ANKS1B: variants seen among roughly 807,000 people sequenced by gnomAD.
The protein encoded by ANKS1B is ankyrin repeat and sterile alpha motif domain containing 1B, also known as ankyrin repeat and sterile alpha motif domain-containing protein 1B.
Under a neutral mutation model 148.3 loss-of-function variants are expected in ANKS1B, and 36 were observed. That is an observed-to-expected ratio of 0.24 (90% confidence interval 0.19 to 0.32). The LOEUF (loss-of-function observed/expected upper bound fraction) is 0.32, where lower values mean the gene tolerates loss of function less well. Among genes scored for constraint, ANKS1B ranks in the 10% least tolerant of loss-of-function variants. The pLI, the probability that ANKS1B is intolerant of heterozygous loss-of-function variation, is 1.00. For synonymous variants in ANKS1B, 542 were observed against 560.8 expected, an observed-to-expected ratio of 0.97 and a Z score of 0.47; for missense variants, 1,157 against 1,542.6, an observed-to-expected ratio of 0.75 and a Z score of 4.19.
At chr12:99,912,876 A>G (rs1289364220) in intron 1 of ANKS1B, among the ~76,000 whole-genome samples, 2 of 152,136 alleles carry the variant, frequency 1.3e-5, no homozygotes, top group Admixed American at 6.5e-5. Context: ...TACTGAGCTT[A>G]TTAGTTTTGT....
intron 9 of ANKS1B, among the ~76,000 whole-genome samples, chr12:99,560,840 C>CTTTTTTTTTTTTTTTTT (rs58588885): frequency 5.6e-5 from 4 of 71,928 alleles, no homozygotes; most frequent in Admixed American, 3.7e-4. Flanking sequence ...TTTCTTTTTT[C>CTTTTTTTTTTTTTTTTT]TTTTTTTTTT....
At chr12:99,907,603 G>GC (rs1200844569) in intron 1 of ANKS1B, among the ~76,000 whole-genome samples, 1 of 152,104 alleles carries the variant, frequency 6.6e-6, no homozygotes, top group Non-Finnish European at 1.5e-5. Flanking sequence ...ATAACCGTCA[G>GC]CAGGGATGGA....
chr12:98,764,759 C>T (rs979485490), intron 25 of ANKS1B, among the ~76,000 whole-genome samples: 3 of 152,220 alleles, frequency 2.0e-5, no homozygotes, highest in Admixed American at 6.5e-5. Flanking sequence ...AAACCGACCA[C>T]GTGTTCACTC....
intron 1 of ANKS1B, among the ~76,000 whole-genome samples, chr12:99,949,582 G>A (rs945516537): frequency 2.0e-5 from 3 of 152,092 alleles, no homozygotes; most frequent in Admixed American, 2.0e-4. Flanking sequence ...CTAATGTGAG[G>A]AGTCAGATGG....
intron 10 of ANKS1B, among the ~76,000 whole-genome samples, chr12:99,497,506 T>G (rs2096615484): frequency 6.6e-6 from 1 of 152,168 alleles, no homozygotes; most frequent in Non-Finnish European, 1.5e-5. Context: ...GGGAAGGATC[T>G]GTCCCAGGCC....
intron 1 of ANKS1B, among the ~76,000 whole-genome samples, chr12:99,940,448 G>A (rs7303899): frequency 0.38 from 57,458 of 151,896 alleles, 11,305 homozygotes; most frequent in Middle Eastern, 0.45. Context: ...AAAAAAACTA[G>A]GCAGAGTAAA....
At chr12:99,542,813 C>G (rs180856537) in intron 9 of ANKS1B, among the ~76,000 whole-genome samples, 1 of 152,012 alleles carries the variant, frequency 6.6e-6, no homozygotes, top group Non-Finnish European at 1.5e-5. Flanking sequence ...GAATACCTAC[C>G]TCATATAATG....
intron 14 of ANKS1B, among the ~76,000 whole-genome samples, chr12:99,174,301 C>T (rs2078124239): frequency 2.0e-5 from 3 of 152,186 alleles, no homozygotes; most frequent in African/African-American, 7.2e-5. Flanking sequence ...CCCTGGCCTA[C>T]ACATTGACTG....
chr12:99,691,574 C>T (rs1172378038), intron 8 of ANKS1B, among the ~76,000 whole-genome samples: 1 of 152,172 alleles, frequency 6.6e-6, no homozygotes, highest in Non-Finnish European at 1.5e-5. Context: ...GTGACCTTTA[C>T]TCTAGTTCTC....
At chr12:99,576,351 T>C (rs2097519988) in intron 9 of ANKS1B, among the ~76,000 whole-genome samples, 1 of 151,874 alleles carries the variant, frequency 6.6e-6, no homozygotes, top group Non-Finnish European at 1.5e-5. Context: ...TAACAAGATA[T>C]TCAGGACCTC....
chr12:99,453,452 G>A (rs570157259), intron 10 of ANKS1B, among the ~76,000 whole-genome samples: 2 of 152,128 alleles, frequency 1.3e-5, no homozygotes, highest in Non-Finnish European at 2.9e-5. Context: ...TTATGCAAAG[G>A]CCTACGTGGC....
In ANKS1B at chr12:99,631,203, A is replaced by G. The variant is rs182174560; in HGVS notation, c.1272+23864T>C. On this transcript the variant is annotated intron_variant, in intron 9 of 26. Coordinates refer to ENST00000683438, the MANE Select transcript of ANKS1B (RefSeq NM_001352186.2). ...AGCAGTGAGGGAACAAACTTATCCA[A>G]TCTTGGACTTCTCAGCCTCCAGAAC... 8.0e-3 allele frequency among the ~76,000 whole-genome samples: 1,217 copies of G among 152,202 alleles called. 15 individuals are homozygous for G. The highest frequency in any genetic ancestry group is 0.028 in the African/African-American group (1,144 of 41,534).
At chr12:99,197,230 A>C (rs1272307000) in intron 14 of ANKS1B, among the ~76,000 whole-genome samples, 2 of 152,188 alleles carry the variant, frequency 1.3e-5, no homozygotes, top group African/African-American at 4.8e-5. Flanking sequence ...AACAGAAAAG[A>C]GTAAGGAATA....
intron 1 of ANKS1B, among the ~76,000 whole-genome samples, chr12:99,906,403 C>T (rs112992432): frequency 8.3e-4 from 127 of 152,346 alleles, no homozygotes; most frequent in African/African-American, 2.9e-3. Context: ...ACGTAATGCA[C>T]AATGAGAAGT....
chr12:99,554,176 A>C (rs2097252937), intron 9 of ANKS1B, among the ~76,000 whole-genome samples: 1 of 152,204 alleles, frequency 6.6e-6, no homozygotes, highest in Non-Finnish European at 1.5e-5. Flanking sequence ...AAAGAGATCC[A>C]AATTCAACTG....
intron 11 of ANKS1B, among the ~76,000 whole-genome samples, chr12:99,417,967 A>G (rs1054309206): frequency 6.6e-6 from 1 of 152,330 alleles, no homozygotes; most frequent in African/African-American, 2.4e-5. Flanking sequence ...CCAACCAAGA[A>G]TACTTAAATC....
intron 17 of ANKS1B, among the ~76,000 whole-genome samples, chr12:99,041,417 C>T (rs2099958852): frequency 1.3e-5 from 2 of 152,184 alleles, no homozygotes; most frequent in South Asian, 2.1e-4. Flanking sequence ...GTTCAATAAA[C>T]AATTTTCCAG....
At chr12:98,815,106 T>G (rs1456927959) in intron 19 of ANKS1B, among the ~76,000 whole-genome samples, 2 of 152,120 alleles carry the variant, frequency 1.3e-5, no homozygotes, top group African/African-American at 4.8e-5. Flanking sequence ...CAATAAATTA[T>G]CTCCCCTTCA....
chr12:98,748,008 A>G (rs73378487), intron 26 of ANKS1B, among the ~76,000 whole-genome samples: 2,052 of 152,314 alleles, frequency 0.013, 41 homozygotes, highest in African/African-American at 0.047. Flanking sequence ...ATATGGTTAA[A>G]TAGAAGGAGT....
Sources: allele counts gnomAD v4.1 joint callset (sites outside exome capture counted in the v4.1 genomes callset), GRCh38; gene constraint gnomAD v4.1.1; transcripts MANE v1.5; gene names NCBI Gene and HGNC (gene_info 2026-07-23, HGNC 2026-07-21).